CDKL1: variants seen among roughly 807,000 people sequenced by gnomAD.
The protein encoded by CDKL1 is cyclin dependent kinase like 1, also known as cyclin-dependent kinase-like 1.
In CDKL1, 41 loss-of-function variants were observed where a neutral mutation model predicts 42.0. The ratio of observed to expected loss-of-function variants is 0.98; its 90% CI spans 0.76 to 1.27. The LOEUF is 1.27. CDKL1 is among the 50% of genes most tolerant of loss of function. CDKL1 has a pLI of 0.00. For synonymous variants in CDKL1, 153 were observed against 158.6 expected (o/e 0.96, Z 0.26); for missense variants, 394 against 428.4 (o/e 0.92, Z 0.71).
rs1330044939 is a variant in CDKL1, at chr14:50,396,039, A to G, written c.-171T>C. The G allele has an allele frequency of 2.9e-6, 3 of 1,017,654 alleles. No individual in the cohort carries two copies. In the East Asian group the frequency reaches 8.8e-5, roughly 30 times the overall value. 63.0% of individuals were successfully genotyped at this position (1,017,654 alleles called of 1,614,324 possible). On this transcript the variant is annotated 5_prime_UTR_variant, in exon 2 of 10. Transcript: ENST00000395834. Reference sequence around the variant, plus strand: ...GTCTCTACTAAAGATACAAAAAATTAGCCGGGTGTGGTGATGGGCGCCCGT... The same window carrying G: ...GTCTCTACTAAAGATACAAAAAATTGGCCGGGTGTGGTGATGGGCGCCCGT...
intron 4 of CDKL1, chr14:50,343,154 A>ATTTTTT: frequency 1.5e-5 from 4 of 265,270 alleles, no homozygotes; most frequent in South Asian, 6.7e-5. Context: ...ATTAAGAGTT[A>ATTTTTT]CTTTTTTTTT....
chr14:50,365,438 A>G (rs1255873279), intron 2 of CDKL1, among the ~76,000 whole-genome samples: 1 of 152,202 alleles, frequency 6.6e-6, no homozygotes, highest in Non-Finnish European at 1.5e-5. Context: ...ATGATCATTA[A>G]TACTAAATCC....
chr14:50,329,827 A>G lies in CDKL1; in HGVS notation c.*247T>C, dbSNP rs1336761253. 5 of 434,880 alleles carry G rather than the reference A, an allele frequency of 1.1e-5. No homozygotes were observed. Among genetic ancestry groups the G allele is most frequent in the East Asian group, 5.1e-5 (1 of 19,538 alleles). The allele number at this position is 434,880 out of a possible 1,614,324, so 26.9% of individuals were successfully genotyped here. ...TCATATTCTGTCCATAAGTTCGGCT[A>G]CTTACATAAACTGAAATACAAGTGC... On this transcript the variant is annotated 3_prime_UTR_variant, in exon 10 of 10. Coordinates refer to ENST00000395834, the MANE Select transcript of CDKL1 (RefSeq NM_004196.7).
At chr14:50,385,560 C>T (rs1483857448) in intron 2 of CDKL1, among the ~76,000 whole-genome samples, 4 of 151,954 alleles carry the variant, frequency 2.6e-5, no homozygotes, top group Admixed American at 2.0e-4. Flanking sequence ...AATCCCAGCA[C>T]TTTGGGAGGC....
At chr14:50,352,535 A>G (rs977472081) in intron 3 of CDKL1, among the ~76,000 whole-genome samples, 2 of 152,232 alleles carry the variant, frequency 1.3e-5, no homozygotes, top group Non-Finnish European at 2.9e-5. Context: ...CCAGAGAGGA[A>G]TGGTGAGACA....
intron 1 of CDKL1, 134 bp from the exon 2 acceptor site, chr14:50,396,463 G>A (rs187263873): frequency 2.0e-6 from 2 of 984,708 alleles, no homozygotes; most frequent in African/African-American, 1.7e-5. Flanking sequence ...TACCCTGTAA[G>A]TTAAAATGTA....
chr14:50,334,791 T>C (rs896006015), intron 7 of CDKL1, 170 bp from the exon 8 acceptor site: 1 of 563,626 alleles, frequency 1.8e-6, no homozygotes, highest in South Asian at 2.3e-5. Context: ...TTCACAAGCT[T>C]TCTCTCCCCA....
At chr14:50,397,161 T>C (rs2035440063), upstream of CDKL1, 4 of 1,366,354 alleles carry the variant, frequency 2.9e-6, no homozygotes, top group Non-Finnish European at 3.9e-6. Flanking sequence ...GCAAGACGCC[T>C]GCGCTAGGAG....
At chr14:50,347,617 T>C (rs1312551149) in intron 3 of CDKL1, among the ~76,000 whole-genome samples, 1 of 152,146 alleles carries the variant, frequency 6.6e-6, no homozygotes, top group Non-Finnish European at 1.5e-5. Flanking sequence ...AGGAGAACAC[T>C]GGAGGGGAAA....
At position 50,380,053 on chromosome 14, in the gene CDKL1, C is replaced by T. The variant is rs200509467; in HGVS notation, c.168+15648G>A. 9 of 476,852 alleles carry T rather than the reference C, an allele frequency of 1.9e-5. 1 individual carries two copies. The highest frequency in any genetic ancestry group is 6.6e-4 in the Middle Eastern group (2 of 3,048). The allele number at this position is 476,852 out of a possible 1,614,324, so 29.5% of individuals were successfully genotyped here. The stretch of plus-strand genomic sequence containing the variant: ...TCCATTCTTGAGATAACTTCCTCCA[C>T]TTGAGAAATGCAAAATTGGCATAGG... On this transcript the variant is annotated intron_variant, in intron 2 of 9. Coordinates refer to ENST00000395834, the MANE Select transcript of CDKL1 (RefSeq NM_004196.7).
Position 50,396,284 on chromosome 14 carries a change from C to G in CDKL1, c.-416G>C, listed in dbSNP as rs576859466. The G allele has an allele frequency of 1.1e-5, 11 of 1,024,714 alleles. No homozygotes were observed. The highest frequency in any genetic ancestry group is 1.3e-5 in the Non-Finnish European group (11 of 855,524). The allele number at this position is 1,024,714 out of a possible 1,614,324, so 63.5% of individuals were successfully genotyped here. A position where few individuals can be genotyped will look rare whatever the true frequency, so the allele number is the denominator to read the frequency against. On this transcript the variant is annotated 5_prime_UTR_variant, in exon 2 of 10. Transcript: ENST00000395834. ...GTCGCTTATAAAATATTGGCACCAA[C>G]GGACTGCACTAGAGCCCCACCCAAC...
At position 50,369,608 on chromosome 14, in the gene CDKL1, GCACACACA is replaced by G. The variant is rs34614605; in HGVS notation, c.169-10467_169-10460del. ...TTATATATAATATATATACACACAT[GCACACACA>G]CACACACACACACACACACATATAT... On this transcript the variant is annotated intron_variant, in intron 2 of 9. Transcript: ENST00000395834. Among the ~76,000 whole-genome samples the G allele has an allele frequency of 6.9e-5, 10 of 143,972 alleles. No homozygotes were observed. In the East Asian group the frequency reaches 8.0e-4, roughly 11 times the overall value. 94.5% of individuals were successfully genotyped at this position (143,972 alleles called of 152,430 possible). A position where few individuals can be genotyped will look rare whatever the true frequency, so the allele number is the denominator to read the frequency against.
chr14:50,339,005 T>G lies in CDKL1; in HGVS notation c.680A>C (p.Gln227Pro). 6.2e-7 allele frequency: 1 copy of G among 1,612,370 alleles called. No individual in the cohort carries two copies. The highest frequency in any genetic ancestry group is 2.2e-5 in the East Asian group (1 of 44,866). ...TLGDLIPRHQ[Q>P]VFSTNQYFSG... is the part of the protein sequence containing the mutation. ...GAAGTACTGATTCGTGCTAAACACT[T>G]GCTGGTGCCTAGGAATGAGATCCCC... The change falls in exon 7 of 10, where the codon CAA becomes CCA. Residue 227 changes from glutamine (Q) to proline (P), a missense_variant. By Grantham distance (76) the Gln-to-Pro change is moderately conservative. Transcript: ENST00000395834.
chr14:50,346,312 GT>G (rs1264726583), intron 3 of CDKL1, among the ~76,000 whole-genome samples: 37 of 152,130 alleles, frequency 2.4e-4, no homozygotes, highest in Non-Finnish European at 4.4e-4. Flanking sequence ...ATGTCCCTGT[GT>G]TTGAAGTTGC....
intron 2 of CDKL1, chr14:50,379,992 A>G: frequency 2.4e-6 from 1 of 409,382 alleles, no homozygotes; most frequent in Non-Finnish European, 5.0e-6. Flanking sequence ...CTCAGGTTAG[A>G]GCACCGTTTC....
chr14:50,395,272 A>G (rs1257092644), intron 2 of CDKL1, among the ~76,000 whole-genome samples: 1 of 152,228 alleles, frequency 6.6e-6, no homozygotes, highest in African/African-American at 2.4e-5. Flanking sequence ...GGTGGGAGAG[A>G]AATTATGGGG....
chr14:50,341,348 G>A, intron 5 of CDKL1, 116 bp from the exon 6 acceptor site: 1 of 1,346,742 alleles, frequency 7.4e-7, no homozygotes, highest in African/African-American at 1.5e-5. Context: ...TATATCGCTG[G>A]TTCTCAATTC....
intron 3 of CDKL1, among the ~76,000 whole-genome samples, chr14:50,355,668 G>T (rs943955487): frequency 6.6e-6 from 1 of 152,204 alleles, no homozygotes; most frequent in African/African-American, 2.4e-5. Context: ...CTTGAGGATT[G>T]TGCATTTTAC....
Position 50,338,984 on chromosome 14 carries a change from T to TA in CDKL1, c.700dup (p.Tyr234LeufsTer11), listed in dbSNP as rs1380131596. 2 of 1,613,086 alleles carry TA rather than the reference T, an allele frequency of 1.2e-6. No homozygotes were observed. Among genetic ancestry groups the TA allele is most frequent in the Admixed American group, 1.7e-5 (1 of 60,026 alleles). ...GTCTGGAATTTTCACTCCACTGAAG[T>TA]ACTGATTCGTGCTAAACACTTGCTG... On this transcript the variant is annotated frameshift_variant, in exon 7 of 10. Transcript: ENST00000395834. LOFTEE classifies it high-confidence loss of function.
Sources: gnomAD v4.1 joint callset for allele counts (sites outside exome capture counted in the v4.1 genomes callset) on GRCh38, gnomAD v4.1.1 for gene constraint, MANE v1.5 for transcripts, NCBI Gene and HGNC (gene_info 2026-07-23, HGNC 2026-07-21) for gene names.